The following PDLIM2 variants were observed in gnomAD, a reference collection of about 807,000 sequenced individuals.
PDLIM2 encodes PDZ and LIM domain protein 2.
A neutral mutation model predicts 54.1 loss-of-function variants in PDLIM2; 51 were observed. That is an observed-to-expected ratio of 0.94 (90% CI 0.75 to 1.19). The LOEUF (loss-of-function observed/expected upper bound fraction) is 1.19. Ranked by LOEUF, PDLIM2 falls within the 50% of genes most tolerant of loss-of-function variation. PDLIM2 has a pLI of 0.00. For missense variants in PDLIM2, 912 were observed against 874.0 expected (o/e 1.04, Z -0.55); for synonymous variants, 398 against 385.6 (o/e 1.03, Z -0.38).
intron 3 of PDLIM2, among the ~76,000 whole-genome samples, chr8:22,583,988 T>G (rs998925160): frequency 2.0e-5 from 3 of 151,848 alleles, no homozygotes; most frequent in Admixed American, 6.6e-5. Flanking sequence ...TTTCTTTTTT[T>G]GGGGTGGGTT....
At chr8:22,589,210 G>C in intron 6 of PDLIM2, 88 bp from the exon 6 acceptor site, 1 of 1,426,820 alleles carries the variant, frequency 7.0e-7, no homozygotes, top group Non-Finnish European at 9.5e-7. Context: ...CCTGGTGTCG[G>C]GCCTGGGAAC....
At chr8:22,588,582 C>T in intron 6 of PDLIM2, 1 of 152,474 alleles carries the variant, frequency 6.6e-6, no homozygotes, top group African/African-American at 2.4e-5. Context: ...CCAGGAACAA[C>T]TGTGAGGTTG....
chr8:22,582,328 C>T (rs918828367), intron 3 of PDLIM2, among the ~76,000 whole-genome samples: 1 of 152,212 alleles, frequency 6.6e-6, no homozygotes, highest in Non-Finnish European at 1.5e-5. Flanking sequence ...CGGCTCCCTT[C>T]ATGTCATTCA....
At chr8:22,584,876 G>A (rs183283253) in exon 4 of PDLIM2, 9 of 1,614,012 alleles carry the variant, frequency 5.6e-6, no homozygotes, top group African/African-American at 2.7e-5. Context: ...GGAAGTGCTG[G>A]CGACTCGCTT....
intron 2 of PDLIM2, 41 bp from the exon 2 acceptor site, chr8:22,581,338 C>G (rs772153021): frequency 6.4e-7 from 1 of 1,555,656 alleles, no homozygotes; most frequent in Non-Finnish European, 8.7e-7. Flanking sequence ...CCTTCTCCAG[C>G]TGGGCCACGG....
At chr8:22,579,693 G>C in intron 1 of PDLIM2, 1 of 832,684 alleles carries the variant, frequency 1.2e-6, no homozygotes, top group Non-Finnish European at 1.7e-6. Context: ...CCCCAGGGCA[G>C]CCCCAGGATG....
rs578145329 is a variant in PDLIM2 at position 22,589,459 on chromosome 8, G to A, written c.1367+85G>A. 7.2e-6 allele frequency: 11 copies of A among 1,530,488 alleles called. No homozygotes were observed. In the Admixed American group the frequency reaches 1.8e-4, roughly 25 times the overall value. The allele number at this position is 1,530,488 out of a possible 1,614,324, so 94.8% of individuals were successfully genotyped here. A position where few individuals can be genotyped will look rare whatever the true frequency, so the allele number is the denominator to read the frequency against. On this transcript the variant is annotated intron_variant, in intron 7 of 9. Coordinates refer to ENST00000308354, the Ensembl canonical transcript of PDLIM2. Reference sequence around the variant, plus strand: ...GAGACGGGCTTCCCCGAGAGGGATGGGGTCCCCCAAGCCCAGTTGGCTCCT... The same window carrying A: ...GAGACGGGCTTCCCCGAGAGGGATGAGGTCCCCCAAGCCCAGTTGGCTCCT...
chr8:22,590,931 T>C (rs922805582), intron 8 of PDLIM2: 1 of 154,816 alleles, frequency 6.5e-6, no homozygotes, highest in African/African-American at 2.4e-5. Flanking sequence ...GATTGGCAGG[T>C]GGCTGGTTCT....
chr8:22,591,116 G>T (rs1586928708), intron 8 of PDLIM2: 1 of 223,752 alleles, frequency 4.5e-6, no homozygotes, highest in South Asian at 5.1e-5. Flanking sequence ...CTGCAGACGG[G>T]CGACAGCTGC....
chr8:22,589,905 G>A, intron 8 of PDLIM2, 164 bp downstream of exon 7: 1 of 978,196 alleles, frequency 1.0e-6, no homozygotes, highest in Non-Finnish European at 1.5e-6. Flanking sequence ...CTGCCCATAA[G>A]GAGCTGACGG....
Position 22,591,682 on chromosome 8 carries a change from G to T in PDLIM2, c.1631+14G>T, listed in dbSNP as rs187662309. On this transcript the variant is annotated intron_variant, in intron 9 of 9. Transcript: ENST00000308354. ...TACCAGCATCGCGTGAGTGTGGAGG[G>T]GGGTGGGGGACCTGAGCCTTCACAG... 1 of 1,599,156 alleles carries T rather than the reference G, an allele frequency of 6.3e-7. No homozygotes were observed. Among genetic ancestry groups the T allele is most frequent in the Non-Finnish European group, 8.5e-7 (1 of 1,171,262 alleles).
At chr8:22,588,810 C>G (rs1241107482) in intron 6 of PDLIM2, 1 of 185,822 alleles carries the variant, frequency 5.4e-6, no homozygotes, top group African/African-American at 2.4e-5. Context: ...AAGAGGGCCT[C>G]TGCCCTGGCC....
At chr8:22,581,742 G>T (rs1287189203) in intron 3 of PDLIM2, among the ~76,000 whole-genome samples, 1 of 152,254 alleles carries the variant, frequency 6.6e-6, no homozygotes, top group African/African-American at 2.4e-5. Flanking sequence ...GTAAAGGTGG[G>T]CGCCAGGCTG....
chr8:22,591,190 G>A, intron 8 of PDLIM2: 2 of 291,386 alleles, frequency 6.9e-6, no homozygotes, highest in South Asian at 6.4e-5. Context: ...GCATGGAAAA[G>A]CACTTTGAAA....
downstream of PDLIM2, chr8:22,595,359 C>T (rs1371420307): frequency 6.6e-6 from 1 of 152,206 alleles, no homozygotes; most frequent in Non-Finnish European, 1.5e-5. Flanking sequence ...GAGCCCCAGG[C>T]GCTGGTCAGA....
chr8:22,587,380 G>A lies in PDLIM2; in HGVS notation c.1291-1918G>A, dbSNP rs56788777. 2.6e-3 allele frequency among the ~76,000 whole-genome samples: 394 copies of A among 152,098 alleles called. 8 individuals are homozygous for A. In the East Asian group the frequency reaches 0.064, roughly 25 times the overall value. The stretch of plus-strand genomic sequence containing the variant: ...AACCCCCATCTCTTTAAAAAAAATC[G>A]CTTATACTTGAGAGTCTTAAAGGCT... On this transcript the variant is annotated intron_variant, in intron 6 of 9. Coordinates refer to ENST00000308354, the Ensembl canonical transcript of PDLIM2.
chr8:22,589,401 T>C (rs1419875076), intron 7 of PDLIM2, 27 bp downstream of exon 6: 7 of 1,535,424 alleles, frequency 4.6e-6, no homozygotes, highest in South Asian at 1.2e-5. Flanking sequence ...GAGGGTCGGG[T>C]TGGGGTCTTG....
chr8:22,578,922 G>C, exon 1 of PDLIM2: 1 of 1,238,172 alleles, frequency 8.1e-7, no homozygotes, highest in South Asian at 4.0e-5. Context: ...GCTCCGGGGA[G>C]GATGCGGGCA....
intron 3 of PDLIM2, among the ~76,000 whole-genome samples, chr8:22,583,787 A>G (rs186285606): frequency 6.8e-6 from 1 of 147,790 alleles, no homozygotes; most frequent in East Asian, 2.0e-4. Flanking sequence ...AAAATCAGTA[A>G]TCTTCCCCCA....
Sources: gnomAD v4.1 joint callset for allele counts (sites outside exome capture counted in the v4.1 genomes callset) on GRCh38, gnomAD v4.1.1 for gene constraint, MANE v1.5 for transcripts, NCBI Gene and HGNC (gene_info 2026-07-23, HGNC 2026-07-21) for gene names.